GAS7: variants seen among roughly 807,000 people sequenced by gnomAD.
GAS7 encodes growth arrest-specific protein 7.
GAS7 carries 28 observed loss-of-function variants against 71.1 expected under a neutral mutation model. The ratio of observed to expected loss-of-function variants is 0.39; its 90% CI spans 0.29 to 0.54. The LOEUF is 0.54. Ranked by LOEUF, GAS7 falls within the 20% of genes least tolerant of loss-of-function variation. GAS7 has a pLI of 0.62. For synonymous variants in GAS7, 258 were observed against 245.8 expected (o/e 1.05, Z -0.46); for missense variants, 436 against 627.8 (o/e 0.69, Z 3.27).
At chr17:10,142,165 G>A (rs965945323) in intron 1 of GAS7, among the ~76,000 whole-genome samples, 12 of 146,690 alleles carry the variant, frequency 8.2e-5, no homozygotes, top group African/African-American at 1.3e-4. Flanking sequence ...GCAGTGAGCC[G>A]AAATAGGGCC....
chr17:9,960,251 G>A (rs555529870), intron 4 of GAS7, among the ~76,000 whole-genome samples: 8 of 151,184 alleles, frequency 5.3e-5, no homozygotes, highest in Non-Finnish European at 1.2e-4. Flanking sequence ...GTGCAGTGGC[G>A]TGATCATGGC....
chr17:10,124,222 C>T (rs537606106), intron 1 of GAS7, among the ~76,000 whole-genome samples: 3 of 152,296 alleles, frequency 2.0e-5, no homozygotes, highest in East Asian at 3.9e-4. Flanking sequence ...AAGAAAAGGC[C>T]AAGCTGAAGG....
chr17:9,917,077 C>T lies in GAS7; in HGVS notation c.*151G>A. 1 of 625,166 alleles carries T rather than the reference C, an allele frequency of 1.6e-6. No homozygotes were observed. Among genetic ancestry groups the T allele is most frequent in the Non-Finnish European group, 2.9e-6 (1 of 348,162 alleles). The allele number at this position is 625,166 out of a possible 1,614,324, so 38.7% of individuals were successfully genotyped here. A position where few individuals can be genotyped will look rare whatever the true frequency, so the allele number is the denominator to read the frequency against. On this transcript the variant is annotated 3_prime_UTR_variant, in exon 14 of 14. Transcript: ENST00000432992. ...GAATATGGGGGAGCCCCCAGCTAGGCTGTCCGGGTCACCCTTCTGGAATCA... is the reference window on the plus strand; with the variant it reads ...GAATATGGGGGAGCCCCCAGCTAGGTTGTCCGGGTCACCCTTCTGGAATCA...
chr17:9,960,192 C>CTT (rs778589790), intron 4 of GAS7, among the ~76,000 whole-genome samples: 12 of 143,056 alleles, frequency 8.4e-5, no homozygotes, highest in East Asian at 2.0e-4. Flanking sequence ...TGACCTTATT[C>CTT]TTTTTTTTTT....
intron 2 of GAS7, among the ~76,000 whole-genome samples, chr17:9,985,610 T>C (rs995667173): frequency 1.3e-5 from 2 of 152,250 alleles, no homozygotes; most frequent in South Asian, 2.1e-4. Context: ...GGTGCTGTAG[T>C]GCACCACCCA....
At chr17:10,167,601 C>A (rs924406652) in intron 1 of GAS7, among the ~76,000 whole-genome samples, 3 of 152,210 alleles carry the variant, frequency 2.0e-5, no homozygotes, top group Non-Finnish European at 2.9e-5. Context: ...TCTTCTTCTG[C>A]CACCTTTGAG....
chr17:9,941,906 T>C (rs1300651677), intron 7 of GAS7, among the ~76,000 whole-genome samples: 1 of 152,052 alleles, frequency 6.6e-6, no homozygotes, highest in Non-Finnish European at 1.5e-5. Flanking sequence ...GGGAAAGGGG[T>C]GCTTCAAAAC....
At chr17:9,927,742 C>T (rs2068061863) in intron 9 of GAS7, among the ~76,000 whole-genome samples, 1 of 152,158 alleles carries the variant, frequency 6.6e-6, no homozygotes, top group South Asian at 2.1e-4. Context: ...TCCTATTTAT[C>T]GAACATCTAC....
chr17:10,198,470 A>G lies in GAS7; in HGVS notation c.-80T>C. 1 of 1,104,036 alleles carries G rather than the reference A, an allele frequency of 9.1e-7. No individual in the cohort carries two copies. 68.4% of individuals were successfully genotyped at this position (1,104,036 alleles called of 1,614,324 possible). ...CTGGGCAGCGGCTCCGCGGGGTCCC[A>G]GGCGCCCGGCGCTCCGGGCTCCCGC... is the stretch of plus-strand genomic sequence containing the variant. On this transcript the variant is annotated 5_prime_UTR_variant, in exon 1 of 14. Coordinates refer to ENST00000432992, the MANE Select transcript of GAS7 (RefSeq NM_201433.2).
At chr17:9,932,255 C>T (rs955856876) in intron 9 of GAS7, among the ~76,000 whole-genome samples, 1 of 136,304 alleles carries the variant, frequency 7.3e-6, no homozygotes, top group Admixed American at 7.9e-5. Context: ...AGTGCAGTGG[C>T]GTGAACTCGG....
At chr17:10,192,187 C>T (rs1490551548) in intron 1 of GAS7, among the ~76,000 whole-genome samples, 3 of 152,292 alleles carry the variant, frequency 2.0e-5, no homozygotes, top group Non-Finnish European at 2.9e-5. Flanking sequence ...ATCTGCCAGC[C>T]GCCACTTCTT....
chr17:10,099,045 C>A (rs2073672233), intron 1 of GAS7, among the ~76,000 whole-genome samples: 1 of 152,140 alleles, frequency 6.6e-6, no homozygotes, highest in Non-Finnish European at 1.5e-5. Context: ...GAGATGGGTA[C>A]CGAATGTCAG....
At chr17:10,067,168 T>G (rs2073290440) in intron 1 of GAS7, among the ~76,000 whole-genome samples, 2 of 151,198 alleles carry the variant, frequency 1.3e-5, no homozygotes, top group African/African-American at 2.4e-5. Context: ...GGGAGTGGAG[T>G]TTCCAGCCCA....
intron 1 of GAS7, among the ~76,000 whole-genome samples, chr17:10,119,941 G>T (rs943383331): frequency 3.9e-5 from 6 of 152,158 alleles, no homozygotes; most frequent in African/African-American, 1.4e-4. Context: ...GTCACACCCA[G>T]GCACACCAGG....
At chr17:9,960,835 T>C (rs562887301) in intron 4 of GAS7, among the ~76,000 whole-genome samples, 1 of 152,326 alleles carries the variant, frequency 6.6e-6, no homozygotes, top group Admixed American at 6.5e-5. Flanking sequence ...AAAATGAACC[T>C]TACAGAGCAT....
chr17:9,925,706 G>A (rs2067977579), intron 10 of GAS7, 107 bp from the exon 11 acceptor site: 1 of 1,246,670 alleles, frequency 8.0e-7, no homozygotes, highest in Non-Finnish European at 1.1e-6. Flanking sequence ...CCTTGTTTGT[G>A]TGGATGATGC....
chr17:10,120,023 G>A (rs545555379), intron 1 of GAS7, among the ~76,000 whole-genome samples: 3 of 152,302 alleles, frequency 2.0e-5, no homozygotes, highest in Non-Finnish European at 4.4e-5. Context: ...GCTAACCACA[G>A]GCAGGACTGC....
intron 1 of GAS7, among the ~76,000 whole-genome samples, chr17:10,023,855 G>A (rs987104369): frequency 1.3e-5 from 2 of 152,196 alleles, no homozygotes; most frequent in East Asian, 1.9e-4. Flanking sequence ...TGGGCACGGT[G>A]GCTCACACCT....
chr17:10,078,077 G>T (rs1029717491), intron 1 of GAS7, among the ~76,000 whole-genome samples: 30 of 149,966 alleles, frequency 2.0e-4, no homozygotes, highest in African/African-American at 7.1e-4. Context: ...GTGTGTGTGT[G>T]TGTTTTGTTT....
Sources: allele counts gnomAD v4.1 joint callset (sites outside exome capture counted in the v4.1 genomes callset), GRCh38; gene constraint gnomAD v4.1.1; transcripts MANE v1.5; gene names NCBI Gene and HGNC (gene_info 2026-07-23, HGNC 2026-07-21).